The following ZNF215 variants were observed in gnomAD, a reference collection of about 807,000 sequenced individuals.
ZNF215 encodes the protein BWSCR2-associated zinc finger protein 2.
In ZNF215, 24 loss-of-function variants were observed where a neutral mutation model predicts 27.2. The observed-to-expected ratio is 0.88, with a 90% CI of 0.64 to 1.24. ZNF215 has a LOEUF of 1.24. Among genes scored for constraint, ZNF215 ranks in the 50% most tolerant of loss-of-function variants. The probability of loss-of-function intolerance (pLI) is 0.00; values close to 1 mark genes in which losing one functional copy is unlikely to be tolerated. For synonymous variants in ZNF215, 210 were observed against 204.0 expected (o/e 1.03, Z -0.25); for missense variants, 675 against 605.7 (o/e 1.11, Z -1.20).
chr11:6,954,915 A>G (rs939678659), intron 6 of ZNF215, among the ~76,000 whole-genome samples: 2 of 152,198 alleles, frequency 1.3e-5, no homozygotes. Flanking sequence ...AAATTGCTAG[A>G]ATATAGAGTA....
downstream of ZNF215, among the ~76,000 whole-genome samples, chr11:6,987,093 A>G (rs1465027988): frequency 1.3e-5 from 2 of 152,214 alleles, no homozygotes; most frequent in African/African-American, 4.8e-5. Context: ...CCATATGTTC[A>G]TTGCAGAACT....
intron 3 of ZNF215, among the ~76,000 whole-genome samples, chr11:6,937,323 A>G (rs1237951633): frequency 6.6e-6 from 1 of 151,934 alleles, no homozygotes; most frequent in Non-Finnish European, 1.5e-5. Flanking sequence ...TATGTCAAAA[A>G]TAGAGGTGTA....
chr11:6,993,382 A>G (rs977188950), downstream of ZNF215, among the ~76,000 whole-genome samples: 3 of 152,150 alleles, frequency 2.0e-5, no homozygotes, highest in African/African-American at 7.2e-5. Flanking sequence ...TCCTCAGAGA[A>G]ATCACTTTGA....
chr11:6,943,450 ATTAC>A, intron 5 of ZNF215, 92 bp from the exon 6 acceptor site: 1 of 1,250,670 alleles, frequency 8.0e-7, no homozygotes, highest in Non-Finnish European at 1.1e-6. Flanking sequence ...AGCAGCTTGG[ATTAC>A]TGTGTCGGGA....
At chr11:6,946,322 C>T (rs1474755589) in intron 6 of ZNF215, among the ~76,000 whole-genome samples, 1 of 152,142 alleles carries the variant, frequency 6.6e-6, no homozygotes, top group African/African-American at 2.4e-5. Flanking sequence ...TTGTTTATTT[C>T]ACAACATTCT....
chr11:6,948,175 G>C (rs907997890), intron 6 of ZNF215, among the ~76,000 whole-genome samples: 3 of 152,136 alleles, frequency 2.0e-5, no homozygotes, highest in African/African-American at 7.2e-5. Context: ...ACCATAATCT[G>C]TCCTCTGGCT....
chr11:6,949,954 T>A (rs1260445461), intron 6 of ZNF215, among the ~76,000 whole-genome samples: 3 of 152,184 alleles, frequency 2.0e-5, no homozygotes, highest in Non-Finnish European at 2.9e-5. Flanking sequence ...TACATATGGC[T>A]AGCCAGATTT....
In ZNF215 at chr11:6,980,864, G is replaced by T. The variant is rs551011935; in HGVS notation, c.806-3265G>T. On this transcript the variant is annotated intron_variant, in intron 5 of 5. Coordinates refer to the ZNF215 transcript ENST00000529903. ...TATGAGTGAGAATATGCAGTGTTTG[G>T]TTTTTTGTTCTTGTGATAGTTTACT... Among the ~76,000 whole-genome samples the T allele has an allele frequency of 8.8e-3, 1,322 of 149,506 alleles. 18 individuals are homozygous for T. The highest frequency in any genetic ancestry group is 0.031 in the African/African-American group (1,250 of 40,550).
rs539943550 is a variant in ZNF215, at chr11:6,953,631, T to G, written c.713-2059T>G. On this transcript the variant is annotated intron_variant, in intron 6 of 6. Coordinates refer to ENST00000278319, the MANE Select transcript of ZNF215 (RefSeq NM_013250.4). The stretch of plus-strand genomic sequence containing the variant: ...CTGTATTGGTTATTCTAGTTATACA[T>G]TTGTCTAAAATTTTTTCAAAGTTTT... 9.2e-5 allele frequency among the ~76,000 whole-genome samples: 14 copies of G among 152,328 alleles called. No individual in the cohort carries two copies. The East Asian group carries it at 2.5e-3, about 27-fold the overall frequency.
Position 6,957,856 on chromosome 11 carries a change from T to G in ZNF215, c.*1325T>G. ...ATACTCTGTACACCAGAACTGTGTC[T>G]TCTGTAAACTACCTCAGGATCCCAT... is the stretch of plus-strand genomic sequence containing the variant. On this transcript the variant is annotated 3_prime_UTR_variant, in exon 7 of 7. Coordinates refer to ENST00000278319, the MANE Select transcript of ZNF215 (RefSeq NM_013250.4). 2 of 985,428 alleles carry G rather than the reference T, an allele frequency of 2.0e-6. No homozygotes were observed. The highest frequency in any genetic ancestry group is 2.4e-6 in the Non-Finnish European group (2 of 829,924). The allele number at this position is 985,428 out of a possible 1,614,324, so 61.0% of individuals were successfully genotyped here. A position where few individuals can be genotyped will look rare whatever the true frequency, so the allele number is the denominator to read the frequency against.
In ZNF215 at chr11:6,943,574, C is replaced by A. The variant is rs369914778; in HGVS notation, c.645C>A (p.Ser215Arg). 1 of 1,613,770 alleles carries A rather than the reference C, an allele frequency of 6.2e-7. No homozygotes were observed. The highest frequency in any genetic ancestry group is 2.2e-5 in the East Asian group (1 of 44,862). The change falls in exon 6 of 7, where the codon AGC (serine) becomes AGA (arginine). Residue 215 changes from serine to arginine, a missense_variant. By Grantham distance (110) the Ser-to-Arg change is moderately radical. Coordinates refer to ENST00000278319, the MANE Select transcript of ZNF215 (RefSeq NM_013250.4). ...KAHLLSKPFE[S>R]LKLESKKKRW... ...ATCTACTTTCCAAACCATTTGAGAGCCTTAAGTTGGAGAGTAAGAAAAAAA... is the reference window on the plus strand; with the variant it reads ...ATCTACTTTCCAAACCATTTGAGAGACTTAAGTTGGAGAGTAAGAAAAAAA...
chr11:6,968,293 T>G (rs1390836342), intron 5 of ZNF215, among the ~76,000 whole-genome samples: 3 of 152,156 alleles, frequency 2.0e-5, no homozygotes, highest in Non-Finnish European at 4.4e-5. Context: ...CATATGAAAT[T>G]TAAAGTAGTT....
intron 6 of ZNF215, among the ~76,000 whole-genome samples, chr11:6,944,171 G>A (rs1443863529): frequency 6.6e-6 from 1 of 152,246 alleles, no homozygotes; most frequent in Non-Finnish European, 1.5e-5. Flanking sequence ...AGCTACTAGG[G>A]AGGCTGAGGC....
At position 6,941,656 on chromosome 11, in the gene ZNF215, G is replaced by A. The variant is rs368666218; in HGVS notation, c.483+3G>A. ...GCTCACGAACAGGCAAACCACAGGT[G>A]AATTAGGATTCTAGTCTTTACTGAA... On this transcript the variant is annotated splice_donor_region_variant and intron_variant, in intron 4 of 6. Transcript: ENST00000278319. 1.9e-4 allele frequency: 303 copies of A among 1,613,666 alleles called. No homozygotes were observed. Among genetic ancestry groups the A allele is most frequent in the Non-Finnish European group, 2.4e-4 (284 of 1,179,804 alleles).
At chr11:6,933,800 A>AAG in intron 3 of ZNF215, among the ~76,000 whole-genome samples, 1 of 62,486 alleles carries the variant, frequency 1.6e-5, no homozygotes, top group African/African-American at 6.4e-5. Flanking sequence ...ATCTCAAAAA[A>AAG]AAAAAAAAAA....
intron 5 of ZNF215, among the ~76,000 whole-genome samples, chr11:6,969,787 T>C (rs1850686656): frequency 6.6e-6 from 1 of 152,088 alleles, no homozygotes; most frequent in Non-Finnish European, 1.5e-5. Context: ...AGTCTGTTAT[T>C]TTTTATTTTT....
In ZNF215 at chr11:6,954,850, C is replaced by G. The variant is rs147559614; in HGVS notation, c.713-840C>G. 2.8e-4 allele frequency among the ~76,000 whole-genome samples: 43 copies of G among 152,138 alleles called. No homozygotes were observed. The East Asian group carries it at 4.5e-3, about 16-fold the overall frequency. ...GTCACTCACGCTGGGAGCTGTAGACCGGAGCTGTTCCTATTCGGCCATCTT... is the reference window on the plus strand; with the variant it reads ...GTCACTCACGCTGGGAGCTGTAGACGGGAGCTGTTCCTATTCGGCCATCTT... On this transcript the variant is annotated intron_variant, in intron 6 of 6. Transcript: ENST00000278319.
rs183244761 is a variant in ZNF215, at chr11:6,933,272, C to A, written c.400+600C>A. On this transcript the variant is annotated intron_variant, in intron 3 of 6. Transcript: ENST00000278319. ...AATAGGATACCTTTTGACATAAATT[C>A]ACATGTACTGGCCTGCATGAGTGGA... 1.2e-3 allele frequency among the ~76,000 whole-genome samples: 189 copies of A among 152,288 alleles called. 1 individual carries two copies. The highest frequency in any genetic ancestry group is 4.4e-3 in the African/African-American group (184 of 41,548).
intron 2 of ZNF215, among the ~76,000 whole-genome samples, chr11:6,931,809 C>G (rs769779932): frequency 3.3e-5 from 5 of 152,126 alleles, no homozygotes; most frequent in Non-Finnish European, 5.9e-5. Context: ...AAATGATTTG[C>G]TACCTGATAT....
Sources: gnomAD v4.1 joint callset for allele counts (sites outside exome capture counted in the v4.1 genomes callset) on GRCh38, gnomAD v4.1.1 for gene constraint, MANE v1.5 for transcripts, NCBI Gene and HGNC (gene_info 2026-07-23, HGNC 2026-07-21) for gene names.